Variants in RELN observed in about 807,000 individuals in gnomAD.
The protein encoded by RELN is reelin.
Under a neutral mutation model 427.6 loss-of-function variants are expected in RELN, and 108 were observed. The observed-to-expected ratio is 0.25, with a 90% CI of 0.22 to 0.30. RELN has a LOEUF of 0.30. Ranked by LOEUF, RELN falls within the 10% of genes least tolerant of loss-of-function variation. RELN has a pLI of 1.00. For missense variants in RELN, 3,715 were observed against 4,302.8 expected (o/e 0.86, Z 3.82); for synonymous variants, 1,524 against 1,513.4 (o/e 1.01, Z -0.16).
chr7:103,616,934 G>A (rs1449779643), intron 20 of RELN, among the ~76,000 whole-genome samples: 4 of 151,988 alleles, frequency 2.6e-5, no homozygotes, highest in South Asian at 4.1e-4. Context: ...AGATTCCTTC[G>A]TTAAAGCAAA....
chr7:103,587,213 A>G (rs1436715719), intron 28 of RELN, among the ~76,000 whole-genome samples: 1 of 152,226 alleles, frequency 6.6e-6, no homozygotes, highest in Non-Finnish European at 1.5e-5. Context: ...TAGATAATCC[A>G]GAAATAAAGC....
chr7:103,804,866 T>G (rs536535063), intron 3 of RELN, among the ~76,000 whole-genome samples: 1 of 152,250 alleles, frequency 6.6e-6, no homozygotes, highest in Admixed American at 6.5e-5. Flanking sequence ...AGATATCACA[T>G]CCAGCCAGCA....
rs1457077003 is a variant in RELN, at chr7:103,968,934, G to T, written c.226+20197C>A. Among the ~76,000 whole-genome samples the T allele has an allele frequency of 1.3e-5, 2 of 152,104 alleles. No individual in the cohort carries two copies. The highest frequency in any genetic ancestry group is 2.9e-5 in the Non-Finnish European group (2 of 67,994). On this transcript the variant is annotated intron_variant, in intron 1 of 64. Coordinates refer to ENST00000428762, the MANE Select transcript of RELN (RefSeq NM_005045.4). This position sits in a 1 kb window ranked among gnomAD's most constrained non-coding sequence, Gnocchi z 4.3. ...ATTAAAATTTCAGAATCATGAAAAA[G>T]AAATGACCTATTTAACTTGACATTT...
chr7:103,836,887 C>A lies in RELN; in HGVS notation c.338-3215G>T, dbSNP rs1392106843. ...TTACTTCTTAAGCTCCTTAAAAGCA[C>A]AAAGCAGGTCTACTAATCCACATTC... On this transcript the variant is annotated intron_variant, in intron 2 of 64. Coordinates refer to ENST00000428762, the MANE Select transcript of RELN (RefSeq NM_005045.4). Among the ~76,000 whole-genome samples, 5 of 152,330 alleles carry A rather than the reference C, an allele frequency of 3.3e-5. No homozygotes were observed. In the South Asian group the frequency reaches 1.0e-3, roughly 32 times the overall value.
chr7:103,517,602 A>G (rs10233007), intron 49 of RELN, among the ~76,000 whole-genome samples: 9,979 of 152,226 alleles, frequency 0.066, 1,072 homozygotes, highest in African/African-American at 0.23. Flanking sequence ...GTCTTTATAA[A>G]TTCCTCCATC....
In RELN at chr7:103,576,439, T is replaced by A. The variant is rs149881610; in HGVS notation, c.4146-734A>T. Among the ~76,000 whole-genome samples, 26 of 152,284 alleles carry A rather than the reference T, an allele frequency of 1.7e-4. No homozygotes were observed. In the East Asian group the frequency reaches 4.8e-3, roughly 28 times the overall value. On this transcript the variant is annotated intron_variant, in intron 28 of 64. Coordinates refer to ENST00000428762, the MANE Select transcript of RELN (RefSeq NM_005045.4). ...ACAGATGTGAGCCACCATGCGCAGA[T>A]TGATTTCTTTTTCAGCATAAATGTT...
intron 10 of RELN, among the ~76,000 whole-genome samples, chr7:103,683,476 T>A (rs187202116): frequency 5.4e-4 from 83 of 152,316 alleles, no homozygotes; most frequent in Admixed American, 4.5e-3. Context: ...TAACAATGTT[T>A]CAGTAAATGA....
intron 1 of RELN, among the ~76,000 whole-genome samples, chr7:103,986,495 C>G (rs1439094715): frequency 2.6e-5 from 4 of 151,956 alleles, no homozygotes; most frequent in Non-Finnish European, 4.4e-5. Flanking sequence ...TCTAGACTGG[C>G]AATTGCTGCC....
At chr7:103,504,732 C>T (rs1829149078) in intron 51 of RELN, among the ~76,000 whole-genome samples, 2 of 152,196 alleles carry the variant, frequency 1.3e-5, no homozygotes, top group African/African-American at 4.8e-5. Context: ...TGCGCTTTTC[C>T]CACAGTCTTT....
intron 2 of RELN, among the ~76,000 whole-genome samples, chr7:103,841,644 C>CT (rs1793553938): frequency 6.6e-6 from 1 of 152,108 alleles, no homozygotes; most frequent in Non-Finnish European, 1.5e-5. Context: ...CTTTTCTGTG[C>CT]TTTTAATGTG....
intron 15 of RELN, among the ~76,000 whole-genome samples, chr7:103,650,627 G>A (rs1366413664): frequency 6.6e-6 from 1 of 151,980 alleles, no homozygotes; most frequent in Non-Finnish European, 1.5e-5. Context: ...CATTTTTAAA[G>A]CTTTAATTTA....
At chr7:103,775,892 C>T (rs750112554) in intron 4 of RELN, among the ~76,000 whole-genome samples, 5 of 152,114 alleles carry the variant, frequency 3.3e-5, no homozygotes, top group Non-Finnish European at 5.9e-5. Context: ...CACCCCTTTT[C>T]AGAGAAAAAT....
chr7:103,731,309 G>C (rs779408564), intron 6 of RELN, among the ~76,000 whole-genome samples: 3 of 152,098 alleles, frequency 2.0e-5, no homozygotes, highest in Non-Finnish European at 1.5e-5. Context: ...CAGCTGAACT[G>C]TTAGTTCAGT....
chr7:103,955,402 T>C (rs751612819), intron 1 of RELN, among the ~76,000 whole-genome samples: 6 of 152,252 alleles, frequency 3.9e-5, no homozygotes, highest in African/African-American at 7.2e-5. Context: ...CTTGTCCTAG[T>C]AGACCTTCAG....
intron 6 of RELN, among the ~76,000 whole-genome samples, chr7:103,746,894 C>A (rs940675665): frequency 2.9e-4 from 44 of 152,140 alleles, no homozygotes; most frequent in Non-Finnish European, 1.6e-4. Context: ...TACCATTTGA[C>A]CCAGCCATCC....
intron 11 of RELN, among the ~76,000 whole-genome samples, chr7:103,679,957 G>A (rs1332627661): frequency 6.6e-6 from 1 of 152,128 alleles, no homozygotes; most frequent in South Asian, 2.1e-4. Flanking sequence ...TACTCATAGA[G>A]AGCTGAATGG....
chr7:103,652,827 A>G lies in RELN; in HGVS notation c.1555-68T>C, dbSNP rs1423222200. The stretch of plus-strand genomic sequence containing the variant: ...GGCTAGTCCATGTAAATTCTCCTAG[A>G]TTTGACCTAATGAACGCTATGTACA... On this transcript the variant is annotated intron_variant, in intron 13 of 64. Transcript: ENST00000428762. 3.1e-5 allele frequency: 44 copies of G among 1,411,786 alleles called. No individual in the cohort carries two copies. In the East Asian group the frequency reaches 1.0e-3, roughly 32 times the overall value. The allele number at this position is 1,411,786 out of a possible 1,614,324, so 87.5% of individuals were successfully genotyped here.
Position 103,723,461 on chromosome 7 carries a change from G to A in RELN, c.754-270C>T, listed in dbSNP as rs149057588. Among the ~76,000 whole-genome samples the A allele has an allele frequency of 9.7e-3, 1,472 of 152,236 alleles. 19 individuals are homozygous for A. Among genetic ancestry groups the A allele is most frequent in the African/African-American group, 0.034 (1,407 of 41,544 alleles). On this transcript the variant is annotated intron_variant, in intron 7 of 64. Transcript: ENST00000428762. ...AATGTCCTTTCACAAACTGTTCTTA[G>A]TGGAATCCAGCAGGTTATCTTGTGA...
rs199553777 is a variant in RELN, at chr7:103,561,939, C to T, written c.5225G>A (p.Arg1742Gln). The change falls in exon 35 of 65, where the codon CGG (arginine) becomes CAG (glutamine). Residue 1742 changes from arginine (R) to glutamine (Q), a missense_variant. Coordinates refer to ENST00000428762, the MANE Select transcript of RELN (RefSeq NM_005045.4). ...GTAGTTGGCCTGAATCCATCTGAAC[C>T]GGGTCCTGGGAGAACTAACCAAAAA... ...LPLSTISPRTRFRWIQANYTV... is the reference protein window; with the variant it reads ...LPLSTISPRTQFRWIQANYTV... 3.6e-4 allele frequency: 512 copies of T among 1,420,866 alleles called. 2 individuals carry two copies. The highest frequency in any genetic ancestry group is 9.1e-4 in the Admixed American group (49 of 54,018). The allele number at this position is 1,420,866 out of a possible 1,614,324, so 88.0% of individuals were successfully genotyped here.
Sources: allele counts gnomAD v4.1 joint callset (sites outside exome capture counted in the v4.1 genomes callset), GRCh38; gene constraint gnomAD v4.1.1; non-coding constraint Gnocchi (gnomAD v3.1); transcripts MANE v1.5; gene names NCBI Gene and HGNC (gene_info 2026-07-23, HGNC 2026-07-21).